NLRP4: variants seen among roughly 807,000 people sequenced by gnomAD.
NLRP4 encodes the protein NACHT, LRR and PYD domains-containing protein 4.
NLRP4 carries 44 observed loss-of-function variants against 84.7 expected under a neutral mutation model. The observed-to-expected ratio is 0.52, with a 90% CI of 0.41 to 0.67. NLRP4 has a LOEUF of 0.67. Among genes scored for constraint, NLRP4 ranks in the 30% least tolerant of loss-of-function variants. The pLI is 0.00. For synonymous variants in NLRP4, 544 were observed against 476.4 expected, an observed-to-expected ratio of 1.14 and a Z score of -1.85; for missense variants, 1,260 against 1,219.4, an observed-to-expected ratio of 1.03 and a Z score of -0.50.
rs1984781036 is a variant in NLRP4, at chr19:55,862,083, A to G, written c.2110A>G (p.Thr704Ala). The G allele has an allele frequency of 6.2e-7, 1 of 1,613,048 alleles. No individual in the cohort carries two copies. The highest frequency in any genetic ancestry group is 8.5e-7 in the Non-Finnish European group (1 of 1,179,106). ...PDLKYLSFTLTKLSRDDIRSL... is the reference protein window; with the variant it reads ...PDLKYLSFTLAKLSRDDIRSL... ...CTTGAAATACCTGAGCTTCACCCTCACGAAACTCTCTCGTGATGACATCAG... is the reference window on the plus strand; with the variant it reads ...CTTGAAATACCTGAGCTTCACCCTCGCGAAACTCTCTCGTGATGACATCAG... The change falls in exon 5 of 10, where the codon ACG becomes GCG. Residue 704 changes from threonine (T) to alanine (A), a missense_variant. Physicochemically the swap from Thr to Ala is moderately conservative, Grantham distance 58. Coordinates refer to ENST00000301295, the MANE Select transcript of NLRP4 (RefSeq NM_134444.5).
intron 1 of NLRP4, among the ~76,000 whole-genome samples, chr19:55,851,307 G>T (rs866085779): frequency 5.9e-5 from 3 of 51,122 alleles, no homozygotes; most frequent in South Asian, 9.9e-4. Flanking sequence ...GCGGTGTAAT[G>T]TCCGAGGCTG....
intron 1 of NLRP4, 134 bp from the exon 2 acceptor site, chr19:55,851,882 A>G (rs1432879391): frequency 7.4e-6 from 4 of 538,804 alleles, no homozygotes; most frequent in Non-Finnish European, 1.3e-5. Context: ...CATTTGAATG[A>G]GAAGGTGAGA....
rs202181962 is a variant in NLRP4, at chr19:55,858,225, G to A, written c.832G>A (p.Ala278Thr). 7.2e-4 allele frequency: 1,165 copies of A among 1,614,126 alleles called. 15 individuals are homozygous for A. In the South Asian group the frequency reaches 0.011, roughly 15 times the overall value. ...GCTCCCGGAGGCCTCCCTGCTCATC[G>A]CTATCAAACCCGTGTGCCCGAAGGA... Reference protein sequence around the residue: ...KMLPEASLLIAIKPVCPKELR... With the variant: ...KMLPEASLLITIKPVCPKELR... Residue 278 changes from alanine to threonine, a missense_variant, in exon 3 of 10, where the codon GCT becomes ACT. This residue lies in a region of NLRP4 where 712 missense variants were observed against 669.2 expected (regional missense o/e 1.06). Coordinates refer to ENST00000301295, the MANE Select transcript of NLRP4 (RefSeq NM_134444.5). This position sits in a 1 kb window ranked among gnomAD's most constrained non-coding sequence, Gnocchi z 4.2.
chr19:55,856,722 G>A (rs376522467), intron 2 of NLRP4, among the ~76,000 whole-genome samples: 2 of 152,022 alleles, frequency 1.3e-5, no homozygotes, highest in East Asian at 1.9e-4. Context: ...CACCATGTTG[G>A]CCAGGATGGT....
intron 1 of NLRP4, among the ~76,000 whole-genome samples, chr19:55,840,540 C>T (rs556919187): frequency 4.6e-5 from 7 of 152,140 alleles, no homozygotes; most frequent in African/African-American, 1.2e-4. Context: ...CCTGCCACCA[C>T]GCCCAGCTAA....
At chr19:55,855,109 C>G (rs866033095) in intron 2 of NLRP4, among the ~76,000 whole-genome samples, 1 of 152,136 alleles carries the variant, frequency 6.6e-6, no homozygotes, top group African/African-American at 2.4e-5. Context: ...ACCCTGGAAG[C>G]TGAGGCAGGA....
chr19:55,853,611 T>TA (rs1293721598), intron 2 of NLRP4, among the ~76,000 whole-genome samples: 1 of 152,182 alleles, frequency 6.6e-6, no homozygotes, highest in Non-Finnish European at 1.5e-5. Flanking sequence ...GCTCTCACTA[T>TA]ATTGCCCAGG....
chr19:55,876,894 A>G (rs1385698744), intron 7 of NLRP4, 102 bp from the exon 8 acceptor site: 1 of 888,258 alleles, frequency 1.1e-6, no homozygotes, highest in Non-Finnish European at 1.8e-6. Context: ...GACGGTGCCT[A>G]TCCACATGAA....
chr19:55,847,150 T>C (rs1436757822), intron 1 of NLRP4, among the ~76,000 whole-genome samples: 1 of 148,240 alleles, frequency 6.7e-6, no homozygotes, highest in Non-Finnish European at 1.5e-5. Flanking sequence ...ACCTATTTTA[T>C]TTGAGGGGGG....
chr19:55,876,388 G>A (rs999371832), intron 7 of NLRP4, among the ~76,000 whole-genome samples: 2 of 152,012 alleles, frequency 1.3e-5, no homozygotes, highest in East Asian at 1.9e-4. Flanking sequence ...TCACTTTGTC[G>A]CCCAGGCTGG....
chr19:55,850,156 TGCG>T (rs1984014422), intron 1 of NLRP4, among the ~76,000 whole-genome samples: 1 of 131,024 alleles, frequency 7.6e-6, no homozygotes, highest in Non-Finnish European at 1.6e-5. Flanking sequence ...TTTCCGAGGC[TGCG>T]GTGTAATTTC....
Position 55,858,122 on chromosome 19 carries a change from C to G in NLRP4, c.729C>G (p.Pro243=), listed in dbSNP as rs747915856. ...FEELQGGLNE[P]DSDLCGDLME... ...AGCTGCAGGGCGGCTTGAACGAACC[C>G]GATTCGGATCTGTGTGGTGACTTGA... The change falls in exon 3 of 10, where the codon CCC becomes CCG. Residue 243 remains proline (P), a synonymous_variant. Transcript: ENST00000301295. The surrounding 1 kb of genome is among the most constrained non-coding windows in gnomAD (Gnocchi z 4.2). The G allele has an allele frequency of 2.7e-5, 43 of 1,614,032 alleles. No homozygotes were observed. Among genetic ancestry groups the G allele is most frequent in the Non-Finnish European group, 3.4e-5 (40 of 1,180,040 alleles).
intron 1 of NLRP4, among the ~76,000 whole-genome samples, chr19:55,849,056 G>A (rs1406667471): frequency 6.6e-6 from 1 of 152,110 alleles, no homozygotes. Context: ...AAATTACCCA[G>A]TCTTGGGTAA....
Position 55,866,615 on chromosome 19 carries a change from T to C in NLRP4, c.2187-1094T>C, listed in dbSNP as rs548791052. 9.2e-5 allele frequency among the ~76,000 whole-genome samples: 14 copies of C among 152,274 alleles called. No individual in the cohort carries two copies. In the Middle Eastern group the frequency reaches 0.02, roughly 222 times the overall value. On this transcript the variant is annotated intron_variant, in intron 5 of 9. Transcript: ENST00000301295. ...ACTCAAGCCACCAAAAAAGGAGTCC[T>C]AGGGGACTCGGGTTCAAGGCTTCTT...
intron 2 of NLRP4, among the ~76,000 whole-genome samples, chr19:55,856,511 CTTTTTTTTTTTTT>C (rs71182923): frequency 8.9e-6 from 1 of 112,214 alleles, no homozygotes; most frequent in Non-Finnish European, 1.7e-5. Flanking sequence ...GTTGCTGGAT[CTTTTTTTTTTTTT>C]TTTTTTTTTG....
Position 55,858,031 on chromosome 19 carries a change from C to CT in NLRP4, c.639dup (p.Ala214CysfsTer37). Reference sequence around the variant, plus strand: ...ATTTCCAGAGAGTGGCCTGACCCCGCTGCTCCTATAACAGAGATCGTGTCT... The same window carrying CT: ...ATTTCCAGAGAGTGGCCTGACCCCGCTTGCTCCTATAACAGAGATCGTGTCT... On this transcript the variant is annotated frameshift_variant, in exon 3 of 10. Coordinates refer to ENST00000301295, the MANE Select transcript of NLRP4 (RefSeq NM_134444.5). LOFTEE classifies it high-confidence loss of function. The surrounding 1 kb of genome is among the most constrained non-coding windows in gnomAD (Gnocchi z 4.2). The CT allele has an allele frequency of 6.2e-7, 1 of 1,614,174 alleles. No individual in the cohort carries two copies. The highest frequency in any genetic ancestry group is 8.5e-7 in the Non-Finnish European group (1 of 1,180,028).
At chr19:55,851,689 TCCGAGGCTGCGGTGTAATG>T (rs1568660107) in intron 1 of NLRP4, among the ~76,000 whole-genome samples, 19,903 of 143,500 alleles carry the variant, frequency 0.14, 3,092 homozygotes, top group East Asian at 0.23. Context: ...CGGTGTAATG[TCCGAGGCTGCGGTGTAATG>T]TCCGAGGCTG....
At position 55,861,425 on chromosome 19, in the gene NLRP4, T is replaced by C. The variant is rs1401999267; in HGVS notation, c.1896T>C (p.Ser632=). The C allele has an allele frequency of 6.2e-7, 1 of 1,614,206 alleles. No individual in the cohort carries two copies. Among genetic ancestry groups the C allele is most frequent in the South Asian group, 1.1e-5 (1 of 91,090 alleles). ...YSLICWHHIC[S]VLTTSGHLRE... is the part of the protein sequence containing the mutation. ...TCATCTGTTGGCATCACATCTGCTCTGTGCTCACCACCAGCGGGCACCTCA... is the reference window on the plus strand; with the variant it reads ...TCATCTGTTGGCATCACATCTGCTCCGTGCTCACCACCAGCGGGCACCTCA... The change falls in exon 4 of 10, where the codon TCT becomes TCC. Residue 632 remains serine (S), a synonymous_variant. Transcript: ENST00000301295.
At chr19:55,865,161 C>T (rs1229776696) in intron 5 of NLRP4, among the ~76,000 whole-genome samples, 2 of 152,162 alleles carry the variant, frequency 1.3e-5, no homozygotes, top group Non-Finnish European at 2.9e-5. Context: ...CAAGTAGGCC[C>T]TGGTGTCTGT....
Sources: allele counts gnomAD v4.1 joint callset (sites outside exome capture counted in the v4.1 genomes callset), GRCh38; gene constraint gnomAD v4.1.1; regional missense constraint gnomAD v4.1.1; non-coding constraint Gnocchi (gnomAD v3.1); transcripts MANE v1.5; gene names NCBI Gene and HGNC (gene_info 2026-07-23, HGNC 2026-07-21).